Variants in SPECC1L observed in about 807,000 individuals in gnomAD.
The protein encoded by SPECC1L is sperm antigen with calponin homology and coiled-coil domains 1 like.
SPECC1L carries 40 observed loss-of-function variants against 116.8 expected under a neutral mutation model. The ratio of observed to expected loss-of-function variants is 0.34; its 90% CI spans 0.27 to 0.45. The LOEUF is 0.45. SPECC1L is among the 20% of genes least tolerant of loss of function. The probability of loss-of-function intolerance (pLI) is 1.00; values close to 1 mark genes in which losing one functional copy is unlikely to be tolerated. For missense variants in SPECC1L, 1,110 were observed against 1,373.6 expected (o/e 0.81, Z 3.03); for synonymous variants, 504 against 500.6 (o/e 1.01, Z -0.09).
At chr22:24,357,679 G>A (rs1027871035) in intron 11 of SPECC1L, among the ~76,000 whole-genome samples, 1 of 152,142 alleles carries the variant, frequency 6.6e-6, no homozygotes, top group African/African-American at 2.4e-5. Context: ...AGCTGGGCTG[G>A]GTTTGAGGTT....
chr22:24,271,169 G>A (rs963060195), intron 1 of SPECC1L, among the ~76,000 whole-genome samples, 186 bp downstream of exon 1: 6 of 152,234 alleles, frequency 3.9e-5, no homozygotes, highest in East Asian at 1.9e-4. Flanking sequence ...CGCCGTCCTC[G>A]TTCTGGGCTT....
chr22:24,328,571 T>C (rs913472326), intron 6 of SPECC1L, among the ~76,000 whole-genome samples: 1 of 152,218 alleles, frequency 6.6e-6, no homozygotes, highest in African/African-American at 2.4e-5. Context: ...CAAAGTGAAT[T>C]TCTAACGGTT....
chr22:24,271,484 C>T (rs2048726337), intron 1 of SPECC1L, among the ~76,000 whole-genome samples: 1 of 152,242 alleles, frequency 6.6e-6, no homozygotes, highest in Non-Finnish European at 1.5e-5. Flanking sequence ...TCTGCTGTGG[C>T]CGGCGCCCGA....
intron 11 of SPECC1L, among the ~76,000 whole-genome samples, chr22:24,348,760 C>A (rs1264996023): frequency 6.6e-6 from 1 of 152,204 alleles, no homozygotes; most frequent in African/African-American, 2.4e-5. Context: ...TTAACTGCAA[C>A]CTTTTTGGTG....
intron 14 of SPECC1L, among the ~76,000 whole-genome samples, chr22:24,408,688 T>G (rs949307996): frequency 6.6e-6 from 1 of 152,274 alleles, no homozygotes; most frequent in Non-Finnish European, 1.5e-5. Context: ...TCAGAGAAGC[T>G]GGAAGCAGCA....
chr22:24,390,587 G>C (rs1187599347), intron 14 of SPECC1L, among the ~76,000 whole-genome samples: 1 of 152,164 alleles, frequency 6.6e-6, no homozygotes. Flanking sequence ...AAATATCAGT[G>C]TGTTCCAGGG....
At position 24,313,381 on chromosome 22, in the gene SPECC1L, A is replaced by T. The variant is rs1375577175; in HGVS notation, c.222A>T (p.Gly74=). The T allele has an allele frequency of 3.7e-6, 6 of 1,614,188 alleles. No homozygotes were observed. Among genetic ancestry groups the T allele is most frequent in the Non-Finnish European group, 2.5e-6 (3 of 1,180,036 alleles). ...TAACGGTGACTAATGGTGTTAAAGG[A>T]AAGAAAAGCACCTGCCCATCTGCAG... The part of the protein sequence containing the change: ...GGVTVTNGVK[G]KKSTCPSAAP... Residue 74 remains glycine, a synonymous_variant, in exon 4 of 17, where the codon GGA becomes GGT. Transcript: ENST00000314328.
chr22:24,324,245 A>G lies in SPECC1L; in HGVS notation c.1964A>G (p.Gln655Arg), dbSNP rs749938286. 1.9e-6 allele frequency: 3 copies of G among 1,614,044 alleles called. No individual in the cohort carries two copies. The highest frequency in any genetic ancestry group is 3.3e-5 in the Admixed American group (2 of 60,026). ...GTAGAGGATGAATACCGAGCCTTCCAAGAAGAAGCTAAGAAACAAATTGAA... is the reference window on the plus strand; with the variant it reads ...GTAGAGGATGAATACCGAGCCTTCCGAGAAGAAGCTAAGAAACAAATTGAA... ...AKVEDEYRAF[Q>R]EEAKKQIEDL... is the part of the protein sequence containing the mutation. Residue 655 changes from glutamine (Q) to arginine (R), a missense_variant, in exon 6 of 17, where the codon CAA becomes CGA. Around this residue, in one of 4 missense-constraint regions of SPECC1L, gnomAD observed 575 missense variants for 682.4 expected, o/e 0.84. Coordinates refer to ENST00000314328, the MANE Select transcript of SPECC1L (RefSeq NM_015330.6).
intron 14 of SPECC1L, among the ~76,000 whole-genome samples, chr22:24,380,561 G>C (rs1401628447): frequency 4.6e-5 from 7 of 152,148 alleles, no homozygotes; most frequent in Non-Finnish European, 1.5e-5. Context: ...TAAAATTACT[G>C]TGCTGATCAC....
intron 3 of SPECC1L, 114 bp from the exon 4 acceptor site, chr22:24,313,199 G>C: frequency 9.4e-7 from 1 of 1,068,304 alleles, no homozygotes; most frequent in Non-Finnish European, 1.4e-6. Flanking sequence ...CTGTCAGATA[G>C]TTTTGGTAAT....
intron 2 of SPECC1L, among the ~76,000 whole-genome samples, chr22:24,280,043 G>A (rs2146333305): frequency 6.6e-6 from 1 of 152,198 alleles, no homozygotes; most frequent in East Asian, 1.9e-4. Flanking sequence ...TAGCAGACAA[G>A]GGGACTGACA....
chr22:24,277,458 A>G lies in SPECC1L; in HGVS notation c.-38+655A>G, dbSNP rs201600078. Among the ~76,000 whole-genome samples the G allele has an allele frequency of 1.2e-4, 18 of 152,336 alleles. No homozygotes were observed. The East Asian group carries it at 3.3e-3, about 28-fold the overall frequency. Reference sequence around the variant, plus strand: ...TTTTGGTATATTCACAAAGTTATGCATTGATCACCACCATCTGATTCCATA... The same window carrying G: ...TTTTGGTATATTCACAAAGTTATGCGTTGATCACCACCATCTGATTCCATA... On this transcript the variant is annotated intron_variant, in intron 2 of 16. Coordinates refer to ENST00000314328, the MANE Select transcript of SPECC1L (RefSeq NM_015330.6).
chr22:24,389,533 A>G (rs74865472), intron 14 of SPECC1L, among the ~76,000 whole-genome samples: 12 of 141,292 alleles, frequency 8.5e-5, no homozygotes, highest in Admixed American at 7.0e-4. Context: ...TTTTTTTTTT[A>G]GGGAAAGGAT....
intron 10 of SPECC1L, among the ~76,000 whole-genome samples, chr22:24,342,372 T>A (rs556299677): frequency 6.6e-6 from 1 of 151,980 alleles, no homozygotes; most frequent in Admixed American, 6.6e-5. Context: ...GTGAAAGATA[T>A]GAAAAAGAAT....
chr22:24,391,583 C>T (rs954754367), intron 14 of SPECC1L, among the ~76,000 whole-genome samples: 1 of 152,168 alleles, frequency 6.6e-6, no homozygotes, highest in Non-Finnish European at 1.5e-5. Context: ...TCATTTCACT[C>T]CCCTCACTGT....
intron 1 of SPECC1L, among the ~76,000 whole-genome samples, chr22:24,272,666 CA>C (rs397955926): frequency 0.021 from 1,653 of 76,996 alleles, 19 homozygotes; most frequent in African/African-American, 0.058. Flanking sequence ...GACTCTGTCT[CA>C]AAAAAAAAAA....
At chr22:24,317,562 G>A (rs1443149641) in intron 4 of SPECC1L, among the ~76,000 whole-genome samples, 2 of 144,532 alleles carry the variant, frequency 1.4e-5, no homozygotes, top group Non-Finnish European at 3.1e-5. Flanking sequence ...GGGCGGCCGG[G>A]CAGAGGCGCC....
At chr22:24,412,754 TAAGAA>T in intron 16 of SPECC1L, 47 bp downstream of exon 16, 2 of 1,594,438 alleles carry the variant, frequency 1.3e-6, no homozygotes, top group Non-Finnish European at 8.6e-7. Context: ...TCCTTCTGGT[TAAGAA>T]GAGTTCAGTC....
chr22:24,326,842 G>A (rs1469628165), intron 6 of SPECC1L, among the ~76,000 whole-genome samples: 1 of 152,052 alleles, frequency 6.6e-6, no homozygotes, highest in Non-Finnish European at 1.5e-5. Context: ...TGCCCCTGCC[G>A]CCAACGTTTT....
Sources: gnomAD v4.1 joint callset for allele counts (sites outside exome capture counted in the v4.1 genomes callset) on GRCh38, gnomAD v4.1.1 for gene constraint, gnomAD v4.1.1 regional missense constraint, MANE v1.5 for transcripts, NCBI Gene and HGNC (gene_info 2026-07-23, HGNC 2026-07-21) for gene names.